Variants in FTO observed in about 807,000 individuals in gnomAD.
The protein encoded by FTO is alpha-ketoglutarate-dependent dioxygenase FTO.
FTO carries 47 observed loss-of-function variants against 63.9 expected under a neutral mutation model. The ratio of observed to expected loss-of-function variants is 0.74; its 90% confidence interval spans 0.58 to 0.94. The LOEUF (loss-of-function observed/expected upper bound fraction) is 0.94. FTO is among the 40% of genes least tolerant of loss of function. FTO has a pLI of 0.00. For missense variants in FTO, 562 were observed against 618.1 expected (o/e 0.91, Z 0.96); for synonymous variants, 207 against 224.4 (o/e 0.92, Z 0.69).
chr16:53,953,935 G>A (rs957256213), intron 8 of FTO, among the ~76,000 whole-genome samples: 1 of 152,180 alleles, frequency 6.6e-6, no homozygotes, highest in Non-Finnish European at 1.5e-5. Flanking sequence ...TTACCATATT[G>A]AACTAGTAAA....
intron 8 of FTO, among the ~76,000 whole-genome samples, chr16:54,048,112 T>TA (rs71380059): frequency 0.2 from 6,881 of 34,666 alleles, 402 homozygotes; most frequent in African/African-American, 0.24. Context: ...TAGAGTATAA[T>TA]AAAAAAAAAA....
In FTO at chr16:53,972,079, A is replaced by G. The variant is rs1273284604; in HGVS notation, c.1364+37970A>G. ...GAAAGGCACTGAGCCAGTCATATGG[A>G]GACAGGGGTCCTATTATTGGCACTG... On this transcript the variant is annotated intron_variant, in intron 8 of 8. Coordinates refer to ENST00000471389, the MANE Select transcript of FTO (RefSeq NM_001080432.3). 2.6e-5 allele frequency among the ~76,000 whole-genome samples: 4 copies of G among 152,238 alleles called. No individual in the cohort carries two copies. The East Asian group carries it at 7.7e-4, about 29-fold the overall frequency.
intron 4 of FTO, among the ~76,000 whole-genome samples, chr16:53,870,282 T>C (rs751657100): frequency 2.0e-5 from 3 of 152,130 alleles, no homozygotes; most frequent in Non-Finnish European, 4.4e-5. Context: ...CATGAGAAGA[T>C]GTTTTTGGAT....
chr16:53,858,533 A>G (rs977827674), intron 4 of FTO, among the ~76,000 whole-genome samples: 4 of 152,368 alleles, frequency 2.6e-5, no homozygotes, highest in Non-Finnish European at 4.4e-5. Context: ...ATCTCAAGGT[A>G]CATAACTTCC....
At chr16:53,961,331 T>G (rs1392414518) in intron 8 of FTO, among the ~76,000 whole-genome samples, 1 of 152,202 alleles carries the variant, frequency 6.6e-6, no homozygotes, top group Non-Finnish European at 1.5e-5. Context: ...TTCCTGACTA[T>G]TAAAGCTAGT....
chr16:54,013,323 A>G (rs1333499988), intron 8 of FTO: 2 of 151,272 alleles, frequency 1.3e-5, no homozygotes, highest in Admixed American at 6.6e-5. Context: ...AACTTAACAG[A>G]TAAGTAGTTG....
chr16:53,714,751 T>C (rs1366289990), intron 1 of FTO, among the ~76,000 whole-genome samples: 1 of 152,204 alleles, frequency 6.6e-6, no homozygotes, highest in African/African-American at 2.4e-5. Context: ...ATAGTAGTCA[T>C]TGTTCTCATA....
At chr16:54,064,364 T>G (rs1396275366) in intron 8 of FTO, among the ~76,000 whole-genome samples, 1 of 152,252 alleles carries the variant, frequency 6.6e-6, no homozygotes, top group Non-Finnish European at 1.5e-5. Context: ...TTTAAAGCAG[T>G]TCAGCTGTAA....
In FTO at chr16:53,948,591, C is replaced by A. The variant is rs1028741600; in HGVS notation, c.1364+14482C>A. ...AAGTGGGCAGCCAGGCAGCTGCTAT[C>A]CAGCCTTGCGAGGAGGCAGGATCTA... On this transcript the variant is annotated intron_variant, in intron 8 of 8. Coordinates refer to ENST00000471389, the MANE Select transcript of FTO (RefSeq NM_001080432.3). Among the ~76,000 whole-genome samples the A allele has an allele frequency of 2.0e-5, 3 of 152,224 alleles. No individual in the cohort carries two copies. The East Asian group carries it at 5.8e-4, about 29-fold the overall frequency.
chr16:53,825,773 C>A, intron 2 of FTO, 91 bp from the exon 3 acceptor site: 2 of 1,487,158 alleles, frequency 1.3e-6, no homozygotes, highest in Non-Finnish European at 1.9e-6. Flanking sequence ...CCCCCCACAA[C>A]TCCCCAAATG....
At chr16:54,053,632 GAA>G (rs1261702481) in intron 8 of FTO, among the ~76,000 whole-genome samples, 2 of 152,150 alleles carry the variant, frequency 1.3e-5, no homozygotes, top group Non-Finnish European at 2.9e-5. Flanking sequence ...TTGTGACAGA[GAA>G]AAAGACAAAT....
At chr16:54,074,409 C>T (rs957194283) in intron 8 of FTO, among the ~76,000 whole-genome samples, 8 of 152,104 alleles carry the variant, frequency 5.3e-5, no homozygotes, top group African/African-American at 1.7e-4. Context: ...ATATTTGAGC[C>T]TGTTGCCTCC....
chr16:53,834,099 C>T (rs1042964709), intron 3 of FTO, among the ~76,000 whole-genome samples: 5 of 151,834 alleles, frequency 3.3e-5, no homozygotes, highest in African/African-American at 1.2e-4. Context: ...ATCTCAGCTC[C>T]CTGCAAGCTC....
intron 8 of FTO, among the ~76,000 whole-genome samples, chr16:54,102,757 CCTT>C (rs2086665645): frequency 6.6e-6 from 1 of 152,128 alleles, no homozygotes; most frequent in Non-Finnish European, 1.5e-5. Flanking sequence ...TGCACTGTCT[CCTT>C]CTCCAAGGCA....
intron 1 of FTO, among the ~76,000 whole-genome samples, chr16:53,756,152 A>G (rs754288294): frequency 6.6e-6 from 1 of 152,236 alleles, no homozygotes; most frequent in Non-Finnish European, 1.5e-5. Context: ...TTATTTAAAA[A>G]CTAAAGACAT....
chr16:53,723,714 T>C (rs2076090333), intron 1 of FTO, among the ~76,000 whole-genome samples: 1 of 152,230 alleles, frequency 6.6e-6, no homozygotes, highest in Non-Finnish European at 1.5e-5. Flanking sequence ...AGATGCTTTG[T>C]CACTGTCACC....
At chr16:53,876,170 C>G (rs1360950963) in intron 5 of FTO, among the ~76,000 whole-genome samples, 2 of 152,106 alleles carry the variant, frequency 1.3e-5, no homozygotes, top group Non-Finnish European at 2.9e-5. Context: ...TCAGGCCAAC[C>G]AGCCCCTCAT....
intron 7 of FTO, among the ~76,000 whole-genome samples, chr16:53,931,114 G>T (rs1006614498): frequency 6.6e-6 from 1 of 152,064 alleles, no homozygotes; most frequent in African/African-American, 2.4e-5. Flanking sequence ...AAATGTAAAT[G>T]ATATGAAAGG....
intron 1 of FTO, among the ~76,000 whole-genome samples, chr16:53,748,958 G>A (rs1047029200): frequency 1.3e-5 from 2 of 150,814 alleles, no homozygotes; most frequent in African/African-American, 4.9e-5. Context: ...TAGAGACGAG[G>A]TTTCACCATG....
Sources: gnomAD v4.1 joint callset for allele counts (sites outside exome capture counted in the v4.1 genomes callset) on GRCh38, gnomAD v4.1.1 for gene constraint, MANE v1.5 for transcripts, NCBI Gene and HGNC (gene_info 2026-07-23, HGNC 2026-07-21) for gene names.